ATRN: variants seen among roughly 807,000 people sequenced by gnomAD.
The protein encoded by ATRN is attractin-2.
ATRN carries 54 observed loss-of-function variants against 178.7 expected under a neutral mutation model. The observed-to-expected ratio is 0.30, with a 90% confidence interval of 0.24 to 0.38. The LOEUF (loss-of-function observed/expected upper bound fraction) is 0.38, where lower values mean the gene tolerates loss of function less well. ATRN is among the 10% of genes least tolerant of loss of function. The pLI is 1.00. For synonymous variants in ATRN, 636 were observed against 663.0 expected, an observed-to-expected ratio of 0.96 and a Z score of 0.63; for missense variants, 1,443 against 1,815.1, an observed-to-expected ratio of 0.79 and a Z score of 3.73.
chr20:3,561,854 A>G (rs191553574), intron 8 of ATRN, among the ~76,000 whole-genome samples: 13 of 152,186 alleles, frequency 8.5e-5, no homozygotes, highest in Admixed American at 1.3e-4. Flanking sequence ...TAGCCTCCCT[A>G]GTAGCTGGGA....
intron 26 of ATRN, among the ~76,000 whole-genome samples, chr20:3,636,898 T>C (rs1233133547): frequency 2.6e-5 from 4 of 152,178 alleles, no homozygotes; most frequent in African/African-American, 7.2e-5. Flanking sequence ...GTTGTTACTA[T>C]TGGAAAGGAA....
rs3084238 is a variant in ATRN, at chr20:3,485,610, G to GTTTTTTTTTTTTTTTTTTTTTTTTTTTTT, written c.410+14094_410+14122dup. Among the ~76,000 whole-genome samples, 12 of 67,916 alleles carry GTTTTTTTTTTTTTTTTTTTTTTTTTTTTT rather than the reference G, an allele frequency of 1.8e-4. 2 individuals are homozygous for GTTTTTTTTTTTTTTTTTTTTTTTTTTTTT. Among genetic ancestry groups the GTTTTTTTTTTTTTTTTTTTTTTTTTTTTT allele is most frequent in the Non-Finnish European group, 2.3e-4 (8 of 35,136 alleles). 44.6% of individuals were successfully genotyped at this position (67,916 alleles called of 152,430 possible). On this transcript the variant is annotated intron_variant, in intron 1 of 28. Transcript: ENST00000262919. ...TGGTTTGCCAATACATTTTTTTGAG[G>GTTTTTTTTTTTTTTTTTTTTTTTTTTTTT]TTTTTTTTTTTTTTTTTTTTTTTTT...
chr20:3,476,778 C>T (rs142459091), intron 1 of ATRN, among the ~76,000 whole-genome samples: 66 of 152,222 alleles, frequency 4.3e-4, no homozygotes, highest in African/African-American at 1.6e-3. Context: ...GAGAATCGCT[C>T]AAATCCAGGA....
intron 1 of ATRN, among the ~76,000 whole-genome samples, chr20:3,491,757 T>C (rs188314478): frequency 6.7e-4 from 101 of 150,366 alleles, no homozygotes; most frequent in South Asian, 4.2e-4. Flanking sequence ...TATTAAATCT[T>C]GTCTGTTCAA....
intron 27 of ATRN, among the ~76,000 whole-genome samples, chr20:3,639,832 A>G (rs2087053898): frequency 6.6e-6 from 1 of 152,214 alleles, no homozygotes; most frequent in Non-Finnish European, 1.5e-5. Flanking sequence ...AGAACAAACC[A>G]TAAACCAAAA....
At chr20:3,531,443 G>A (rs907832397) in intron 1 of ATRN, among the ~76,000 whole-genome samples, 1 of 152,108 alleles carries the variant, frequency 6.6e-6, no homozygotes, top group Non-Finnish European at 1.5e-5. Flanking sequence ...TATGTATAGG[G>A]ATATTTATTG....
intron 24 of ATRN, among the ~76,000 whole-genome samples, chr20:3,609,714 A>G (rs611128): frequency 0.042 from 6,206 of 146,184 alleles, 269 homozygotes; most frequent in African/African-American, 0.11. Context: ...GTATGTATGT[A>G]TGTGTGTGTG....
Position 3,512,023 on chromosome 20 carries a change from A to G in ATRN, c.411-23230A>G, listed in dbSNP as rs1486860551. On this transcript the variant is annotated intron_variant, in intron 1 of 28. Transcript: ENST00000262919. The stretch of plus-strand genomic sequence containing the variant: ...ACTGTTTTTGGCAAAAAGAAAAGCT[A>G]GTTTTACCTGACTTTTTTTTTTTTT... Among the ~76,000 whole-genome samples the G allele has an allele frequency of 3.7e-5, 5 of 134,678 alleles. No homozygotes were observed. In the East Asian group the frequency reaches 1.0e-3, roughly 27 times the overall value. The allele number at this position is 134,678 out of a possible 152,430, so 88.4% of individuals were successfully genotyped here. A position where few individuals can be genotyped will look rare whatever the true frequency, so the allele number is the denominator to read the frequency against.
chr20:3,585,420 G>A (rs764807226), intron 18 of ATRN, among the ~76,000 whole-genome samples: 10 of 152,170 alleles, frequency 6.6e-5, no homozygotes, highest in Non-Finnish European at 1.2e-4. Flanking sequence ...AGAAAAAGTG[G>A]TTATTGGAGA....
intron 1 of ATRN, among the ~76,000 whole-genome samples, chr20:3,525,454 C>T (rs1220939435): frequency 3.9e-5 from 6 of 152,260 alleles, no homozygotes; most frequent in South Asian, 2.1e-4. Context: ...GATTCACAGC[C>T]GAATTCTACC....
In ATRN at chr20:3,572,722, T is replaced by C. The variant is rs777663256; in HGVS notation, c.1872-9T>C. On this transcript the variant is annotated splice_polypyrimidine_tract_variant and intron_variant, in intron 11 of 28. Transcript: ENST00000262919. ...CTAGTAAATTTCTTCTCTCCCTTTTTCCTCTTAGCACCATGTATGTGTTCG... is the reference window on the plus strand; with the variant it reads ...CTAGTAAATTTCTTCTCTCCCTTTTCCCTCTTAGCACCATGTATGTGTTCG... 6.2e-7 allele frequency: 1 copy of C among 1,607,180 alleles called. No individual in the cohort carries two copies. Among genetic ancestry groups the C allele is most frequent in the Non-Finnish European group, 8.5e-7 (1 of 1,175,914 alleles).
In ATRN at chr20:3,562,377, C is replaced by G; in HGVS notation, c.1549C>G (p.His517Asp). The G allele has an allele frequency of 6.2e-7, 1 of 1,614,156 alleles. No homozygotes were observed. Among genetic ancestry groups the G allele is most frequent in the Non-Finnish European group, 8.5e-7 (1 of 1,180,030 alleles). ...YDHRTRALYV[H>D]GGYKAFSANK... Reference sequence around the variant, plus strand: ...CCATAGGACCAGGGCCCTATACGTTCATGGTGGCTACAAGGCTTTCAGTGC... The same window carrying G: ...CCATAGGACCAGGGCCCTATACGTTGATGGTGGCTACAAGGCTTTCAGTGC... The change falls in exon 9 of 29, where the codon CAT (histidine) becomes GAT (aspartate). Residue 517 changes from histidine to aspartate, a missense_variant. This residue lies in a region of ATRN where 862 missense variants were observed against 972.1 expected (regional missense o/e 0.89). Transcript: ENST00000262919.
intron 16 of ATRN, among the ~76,000 whole-genome samples, chr20:3,582,781 T>G (rs1449027054): frequency 2.0e-5 from 3 of 151,976 alleles, no homozygotes; most frequent in Non-Finnish European, 4.4e-5. Context: ...AAAGGTAGTG[T>G]CAACAGGGAG....
chr20:3,570,756 G>A (rs1313307212), intron 11 of ATRN, among the ~76,000 whole-genome samples: 1 of 152,124 alleles, frequency 6.6e-6, no homozygotes, highest in African/African-American at 2.4e-5. Flanking sequence ...ATCCAGACAT[G>A]AAATTAGGTT....
At chr20:3,533,137 T>C (rs1028275215) in intron 1 of ATRN, among the ~76,000 whole-genome samples, 2 of 152,204 alleles carry the variant, frequency 1.3e-5, no homozygotes, top group East Asian at 1.9e-4. Context: ...CCTGAAGGAA[T>C]TGATGTTCTG....
intron 11 of ATRN, among the ~76,000 whole-genome samples, chr20:3,570,829 C>T (rs369780585): frequency 3.3e-5 from 5 of 152,250 alleles, no homozygotes; most frequent in East Asian, 1.9e-4. Context: ...TTTTTAAATA[C>T]GCACAATCTA....
intron 1 of ATRN, among the ~76,000 whole-genome samples, chr20:3,476,869 G>GA (rs1408113001): frequency 6.6e-6 from 1 of 152,232 alleles, no homozygotes; most frequent in Admixed American, 6.5e-5. Flanking sequence ...TCGAAAGAAA[G>GA]AAAGAAAATT....
intron 1 of ATRN, among the ~76,000 whole-genome samples, chr20:3,476,073 A>T (rs2084525341): frequency 6.6e-6 from 1 of 152,214 alleles, no homozygotes; most frequent in African/African-American, 2.4e-5. Flanking sequence ...TGAGCCCAGG[A>T]GGTTGAGGCT....
chr20:3,495,787 CT>C (rs1285878725), intron 1 of ATRN, among the ~76,000 whole-genome samples: 12 of 151,548 alleles, frequency 7.9e-5, no homozygotes, highest in Middle Eastern at 6.8e-3. Flanking sequence ...ACAAAACCCA[CT>C]GTAGCAGAAC....
Sources: allele counts gnomAD v4.1 joint callset (sites outside exome capture counted in the v4.1 genomes callset), GRCh38; gene constraint gnomAD v4.1.1; regional missense constraint gnomAD v4.1.1; transcripts MANE v1.5; gene names NCBI Gene and HGNC (gene_info 2026-07-23, HGNC 2026-07-21).